Variants in SKA3 observed in about 807,000 individuals in gnomAD.
SKA3 encodes the protein spindle and kinetochore-associated protein 3.
Under a neutral mutation model 44.2 loss-of-function variants are expected in SKA3, and 39 were observed. The observed-to-expected ratio is 0.88, with a 90% CI of 0.68 to 1.15. SKA3 has a LOEUF of 1.15. SKA3 is among the 50% of genes most tolerant of loss of function. The pLI is 0.00. For missense variants in SKA3, 511 were observed against 485.8 expected (o/e 1.05, Z -0.49); for synonymous variants, 192 against 172.0 (o/e 1.12, Z -0.91).
At chr13:21,169,647 C>A (rs1377973369) in intron 3 of SKA3, among the ~76,000 whole-genome samples, 1 of 152,212 alleles carries the variant, frequency 6.6e-6, no homozygotes, top group Admixed American at 6.5e-5. Context: ...GCTAATAAAT[C>A]TGCCTTTCTC....
chr13:21,176,387 C>T lies in SKA3; in HGVS notation c.91G>A (p.Gly31Arg), dbSNP rs1335514358. 1.3e-6 allele frequency: 2 copies of T among 1,572,168 alleles called. No individual in the cohort carries two copies. Among genetic ancestry groups the T allele is most frequent in the East Asian group, 2.3e-5 (1 of 42,914 alleles). ...ETARLQRALDGEESDFEDYPM... is the reference protein window; with the variant it reads ...ETARLQRALDREESDFEDYPM... ...CCGCCTCACGCACCGCTTTCCTCTC[C>T]GTCCAGCGCTCGCTGCAGCCGGGCC... The change falls in exon 1 of 9, where the codon GGA becomes AGA. Residue 31 changes from glycine to arginine, a missense_variant. Gly to Arg is a moderately radical substitution (Grantham distance 125). Transcript: ENST00000314759.
At chr13:21,163,859 G>A (rs1431853641) in intron 4 of SKA3, among the ~76,000 whole-genome samples, 2 of 152,156 alleles carry the variant, frequency 1.3e-5, no homozygotes, top group African/African-American at 4.8e-5. Flanking sequence ...CATCTCCTGG[G>A]TTCAAACAAT....
At chr13:21,173,969 A>AT (rs1226790207) in intron 1 of SKA3, among the ~76,000 whole-genome samples, 1 of 152,244 alleles carries the variant, frequency 6.6e-6, no homozygotes, top group Non-Finnish European at 1.5e-5. Flanking sequence ...CCAGCAGTGC[A>AT]TAAGAAGTGC....
At chr13:21,167,948 G>C (rs201500924) in intron 4 of SKA3, 40 bp downstream of exon 4, 2 of 1,137,312 alleles carry the variant, frequency 1.8e-6, no homozygotes, top group Non-Finnish European at 2.3e-6. Flanking sequence ...AAAAGGTTTA[G>C]AAAGCTAGAT....
chr13:21,156,114 G>A (rs1870106580), intron 7 of SKA3, among the ~76,000 whole-genome samples: 1 of 149,856 alleles, frequency 6.7e-6, no homozygotes, highest in African/African-American at 2.5e-5. Context: ...TTGAACCCCA[G>A]AGGCGGAGGT....
intron 4 of SKA3, among the ~76,000 whole-genome samples, chr13:21,163,658 T>A (rs1327054600): frequency 2.0e-5 from 3 of 152,358 alleles, no homozygotes; most frequent in Non-Finnish European, 2.9e-5. Flanking sequence ...TAGCCAAATA[T>A]GCATCTGGAT....
intron 3 of SKA3, among the ~76,000 whole-genome samples, chr13:21,169,902 T>A (rs1870941804): frequency 6.6e-6 from 1 of 152,172 alleles, no homozygotes; most frequent in Non-Finnish European, 1.5e-5. Flanking sequence ...CCTCCCAAAG[T>A]GTTGGGATTA....
chr13:21,175,879 G>GA (rs1293159716), intron 1 of SKA3, among the ~76,000 whole-genome samples: 2 of 152,140 alleles, frequency 1.3e-5, no homozygotes, highest in Non-Finnish European at 2.9e-5. Flanking sequence ...ACGTGAGTGA[G>GA]AAAAAAGTCA....
chr13:21,155,113 T>A lies in SKA3; in HGVS notation c.*37A>T. 2 of 1,592,380 alleles carry A rather than the reference T, an allele frequency of 1.3e-6. No homozygotes were observed. Among genetic ancestry groups the A allele is most frequent in the Non-Finnish European group, 8.6e-7 (1 of 1,169,036 alleles). ...GGTCCAGCTCGGCTTTCATCTCATT[T>A]TGTTCAGTTTCTGTGTTGGATAGAT... is the stretch of plus-strand genomic sequence containing the variant. On this transcript the variant is annotated 3_prime_UTR_variant, in exon 9 of 9. Transcript: ENST00000314759.
chr13:21,170,427 G>A (rs567994880), intron 3 of SKA3, among the ~76,000 whole-genome samples: 7 of 152,166 alleles, frequency 4.6e-5, no homozygotes, highest in Admixed American at 4.6e-4. Flanking sequence ...TGATCTGCCC[G>A]CCTTGGCCTC....
rs903271435 is a variant in SKA3, at chr13:21,168,297, C to T, written c.434G>A (p.Ser145Asn). 2 of 1,614,184 alleles carry T rather than the reference C, an allele frequency of 1.2e-6. No individual in the cohort carries two copies. Among genetic ancestry groups the T allele is most frequent in the Non-Finnish European group, 8.5e-7 (1 of 1,180,026 alleles). Residue 145 changes from serine (S) to asparagine (N), a missense_variant, in exon 4 of 9, where the codon AGC becomes AAC. Coordinates refer to ENST00000314759, the MANE Select transcript of SKA3 (RefSeq NM_145061.6). ...TGGAGACTTCTCAGAAATACAACTG[C>T]TTGCAACAGGAGGATCAGACAGATC... ...KDDLSDPPVA[S>N]SCISEKSPRS...
intron 5 of SKA3, among the ~76,000 whole-genome samples, chr13:21,161,188 T>C (rs1241221317): frequency 6.6e-6 from 1 of 152,130 alleles, no homozygotes; most frequent in African/African-American, 2.4e-5. Flanking sequence ...GAGGATTGCT[T>C]GAGCCTGGGA....
intron 8 of SKA3, 151 bp from the exon 9 acceptor site, chr13:21,155,301 T>C (rs1456333476): frequency 1.6e-6 from 1 of 623,056 alleles, no homozygotes; most frequent in Non-Finnish European, 2.6e-6. Context: ...TTCGGGAATC[T>C]GAGATTCAGG....
intron 4 of SKA3, among the ~76,000 whole-genome samples, chr13:21,162,385 G>A (rs1270726007): frequency 1.4e-5 from 2 of 145,208 alleles, no homozygotes; most frequent in African/African-American, 5.1e-5. Flanking sequence ...TTTTTTTTCT[G>A]AGACATGGTC....
chr13:21,161,812 G>C lies in SKA3; in HGVS notation c.807C>G (p.Ile269Met). The change falls in exon 5 of 9, where the codon ATC (isoleucine) becomes ATG (methionine). Residue 269 changes from isoleucine (I) to methionine (M), a missense_variant. Coordinates refer to ENST00000314759, the MANE Select transcript of SKA3 (RefSeq NM_145061.6). ...TACCACTTTTTTCCAACTGCTGGAT[G>C]ATGGGGCTGGGAGTGGCAAAAACAT... Reference protein sequence around the residue: ...NDNVFATPSPIIQQLEKSDAE... With the variant: ...NDNVFATPSPMIQQLEKSDAE... 6.2e-7 allele frequency: 1 copy of C among 1,611,832 alleles called. No individual in the cohort carries two copies. Among genetic ancestry groups the C allele is most frequent in the Non-Finnish European group, 8.5e-7 (1 of 1,178,560 alleles).
intron 4 of SKA3, among the ~76,000 whole-genome samples, chr13:21,162,770 A>G (rs1350352328): frequency 6.6e-6 from 1 of 152,202 alleles, no homozygotes; most frequent in African/African-American, 2.4e-5. Flanking sequence ...TAAAAATAAA[A>G]GGGCTGGGCA....
rs193278859 is a variant in SKA3, at chr13:21,174,859, C to G, written c.103+1516G>C. On this transcript the variant is annotated intron_variant, in intron 1 of 8. Coordinates refer to ENST00000314759, the MANE Select transcript of SKA3 (RefSeq NM_145061.6). ...TCTCTTTTTCGTTTTAGCTATCCTG[C>G]TGGGTATGCAACTGTACTACATTGA... Among the ~76,000 whole-genome samples the G allele has an allele frequency of 7.9e-5, 12 of 152,286 alleles. No homozygotes were observed. In the East Asian group the frequency reaches 2.3e-3, roughly 29 times the overall value.
chr13:21,175,510 T>C (rs934597593), intron 1 of SKA3, among the ~76,000 whole-genome samples: 9 of 147,674 alleles, frequency 6.1e-5, no homozygotes, highest in Non-Finnish European at 1.3e-4. Flanking sequence ...TCTCCTGACC[T>C]TGTGATCCGC....
In SKA3 at chr13:21,159,989, T is replaced by TTTTTTCC; in HGVS notation, c.830-3_830-2insGGAAAAA. On this transcript the variant is annotated splice_region_variant and splice_polypyrimidine_tract_variant and intron_variant, in intron 5 of 8. Transcript: ENST00000314759. ...AAGGAGAGTTGGTATATTCGGCATCTAAAAGACACATAAAATGGTCATTAA... is the reference window on the plus strand; with the variant it reads ...AAGGAGAGTTGGTATATTCGGCATCTTTTTTCCAAAAGACACATAAAATGGTCATTAA... 5 of 1,307,258 alleles carry TTTTTTCC rather than the reference T, an allele frequency of 3.8e-6. No homozygotes were observed. The highest frequency in any genetic ancestry group is 5.1e-6 in the Non-Finnish European group (5 of 983,070). 81.0% of individuals were successfully genotyped at this position (1,307,258 alleles called of 1,614,324 possible).
Sources: gnomAD v4.1 joint callset for allele counts (sites outside exome capture counted in the v4.1 genomes callset) on GRCh38, gnomAD v4.1.1 for gene constraint, MANE v1.5 for transcripts, NCBI Gene and HGNC (gene_info 2026-07-23, HGNC 2026-07-21) for gene names.